Variants in HERC2 observed in about 807,000 individuals in gnomAD.
The protein encoded by HERC2 is HECT and RLD domain containing E3 ubiquitin protein ligase 2.
In HERC2, 102 loss-of-function variants were observed where a neutral mutation model predicts 537.7. The observed-to-expected ratio is 0.19, with a 90% CI of 0.16 to 0.22. The LOEUF (loss-of-function observed/expected upper bound fraction) is 0.22, where lower values mean the gene tolerates loss of function less well. Among genes scored for constraint, HERC2 ranks in the 10% least tolerant of loss-of-function variants. HERC2 has a pLI of 1.00. For missense variants in HERC2, 4,236 were observed against 6,198.2 expected, an observed-to-expected ratio of 0.68 and a Z score of 10.63; for synonymous variants, 2,224 against 2,466.2, an observed-to-expected ratio of 0.90 and a Z score of 2.91.
chr15:28,256,176 G>A lies in HERC2; in HGVS notation c.2659C>T (p.Gln887Ter), dbSNP rs1260191316. 1 of 1,601,648 alleles carries A rather than the reference G, an allele frequency of 6.2e-7. No homozygotes were observed. ...GACCAGCCACTCTGCAGCACGGCCTGGGCGGCCGACTGCACGGTGCTCAGC... is the reference window on the plus strand; with the variant it reads ...GACCAGCCACTCTGCAGCACGGCCTAGGCGGCCGACTGCACGGTGCTCAGC... ...GVLSTVQSAA[Q>*]AVLQSGWSVL... Residue 887 changes from glutamine to a stop codon, truncating the protein, a stop_gained, in exon 18 of 93, where the codon CAG becomes TAG. Transcript: ENST00000261609. LOFTEE classifies it high-confidence loss of function.
At chr15:28,285,578 T>C (rs1164422907) in intron 4 of HERC2, among the ~76,000 whole-genome samples, 1 of 151,066 alleles carries the variant, frequency 6.6e-6, no homozygotes. Context: ...ACTAAATAAA[T>C]GATATATTAG....
intron 35 of HERC2, among the ~76,000 whole-genome samples, chr15:28,225,921 C>T (rs894994654): frequency 1.3e-5 from 2 of 151,936 alleles, no homozygotes; most frequent in Admixed American, 6.6e-5. Flanking sequence ...TGAATAGACC[C>T]GTAACAAGTA....
chr15:28,245,600 CACACAGATATATATAT>C, intron 23 of HERC2, among the ~76,000 whole-genome samples: 2 of 140,598 alleles, frequency 1.4e-5, no homozygotes, highest in Admixed American at 7.0e-5. Flanking sequence ...CACACACACA[CACACAGATATATATAT>C]ACACACACAT....
At chr15:28,151,461 C>T (rs1211872818) in intron 70 of HERC2, among the ~76,000 whole-genome samples, 2 of 151,806 alleles carry the variant, frequency 1.3e-5, no homozygotes, top group Non-Finnish European at 2.9e-5. Context: ...AGAGCAAGAT[C>T]CTATCTCTAA....
intron 7 of HERC2, chr15:28,273,209 AGT>A: frequency 1.7e-6 from 1 of 603,244 alleles, no homozygotes; most frequent in Non-Finnish European, 2.9e-6. Context: ...TTTTATTTAA[AGT>A]GTTCACTCAG....
intron 35 of HERC2, among the ~76,000 whole-genome samples, chr15:28,223,122 G>C (rs1311939028): frequency 6.6e-6 from 1 of 152,140 alleles, no homozygotes; most frequent in Non-Finnish European, 1.5e-5. Context: ...TTGGTGCCCT[G>C]GGTGGCTACA....
intron 57 of HERC2, among the ~76,000 whole-genome samples, chr15:28,180,718 A>AC (rs1895742084): frequency 6.6e-6 from 1 of 152,220 alleles, no homozygotes. Flanking sequence ...GAATTCAACC[A>AC]CCCATGGATT....
intron 20 of HERC2, among the ~76,000 whole-genome samples, chr15:28,250,654 C>T (rs1192263293): frequency 6.6e-6 from 1 of 152,186 alleles, no homozygotes; most frequent in East Asian, 1.9e-4. Context: ...TTCTCCAACT[C>T]ACGTTTTCCA....
Position 28,144,263 on chromosome 15 carries a change from G to A in HERC2, c.11141-28C>T, listed in dbSNP as rs8042892. ...GTGAATGAACACTGTAAACATCCCC[G>A]GGTTTCACAAGCTAGGTACCACCCC... On this transcript the variant is annotated intron_variant, in intron 72 of 92. Transcript: ENST00000261609. The A allele has an allele frequency of 6.6e-4, 1,064 of 1,608,100 alleles. 8 individuals carry two copies. In the African/African-American group the frequency reaches 0.013, roughly 19 times the overall value.
In HERC2 at chr15:28,163,303, CAACAATT is replaced by C. The variant is rs1157383571; in HGVS notation, c.10555-25_10555-19del. 1 of 1,603,858 alleles carries C rather than the reference CAACAATT, an allele frequency of 6.2e-7. No individual in the cohort carries two copies. Among genetic ancestry groups the C allele is most frequent in the Non-Finnish European group, 8.5e-7 (1 of 1,175,906 alleles). On this transcript the variant is annotated intron_variant, in intron 68 of 92. Coordinates refer to ENST00000261609, the MANE Select transcript of HERC2 (RefSeq NM_004667.6). Reference sequence around the variant, plus strand: ...TCAACATCCTAAGTCAAATGACATCCAACAATTAACATGAGGAATGATATGCTAAGAG... The same window carrying C: ...TCAACATCCTAAGTCAAATGACATCCAACATGAGGAATGATATGCTAAGAG...
chr15:28,268,653 GT>G lies in HERC2; in HGVS notation c.1447-38del, dbSNP rs1490109249. 1 of 1,581,218 alleles carries G rather than the reference GT, an allele frequency of 6.3e-7. No individual in the cohort carries two copies. The highest frequency in any genetic ancestry group is 1.8e-5 in the Admixed American group (1 of 55,650). On this transcript the variant is annotated intron_variant, in intron 11 of 92. Transcript: ENST00000261609. The surrounding 1 kb of genome is among the most constrained non-coding windows in gnomAD (Gnocchi z 4.7). ...AAAATACGAAGAAAAGTAGTCATCA[GT>G]CCAAGGAAAATGAAACCAGCTCAGC...
Position 28,163,193 on chromosome 15 carries a change from C to G in HERC2, c.10647G>C (p.Val3549=). The change falls in exon 69 of 93, where the codon GTG becomes GTC. Residue 3549 remains valine, a synonymous_variant. Coordinates refer to ENST00000261609, the MANE Select transcript of HERC2 (RefSeq NM_004667.6). ...ACACTGACAGCTTGAGCAGGTCTAC[C>G]ACCACACGAGTGTCATCCGCAATCA... is the stretch of plus-strand genomic sequence containing the variant. ...SLLIADDTRV[V]VDLLKLSVCS... The G allele has an allele frequency of 6.2e-7, 1 of 1,613,836 alleles. No homozygotes were observed. The highest frequency in any genetic ancestry group is 8.5e-7 in the Non-Finnish European group (1 of 1,180,024).
At chr15:28,139,949 T>A (rs1482693434) in intron 78 of HERC2, among the ~76,000 whole-genome samples, 2 of 150,222 alleles carry the variant, frequency 1.3e-5, no homozygotes, top group Admixed American at 6.6e-5. Context: ...GCGCCTGTTG[T>A]CCCAGCTACT....
chr15:28,191,315 T>C, intron 53 of HERC2, 71 bp from the exon 54 acceptor site: 1 of 918,382 alleles, frequency 1.1e-6, no homozygotes. Context: ...TACAATAGTA[T>C]CGTTGAAGCT....
chr15:28,136,164 A>T (rs558116059), intron 78 of HERC2, among the ~76,000 whole-genome samples: 8 of 152,194 alleles, frequency 5.3e-5, no homozygotes, highest in African/African-American at 1.9e-4. Flanking sequence ...ATGTTTTAGG[A>T]CACAAAACAT....
intron 79 of HERC2, 46 bp downstream of exon 79, chr15:28,135,432 A>T: frequency 6.7e-7 from 1 of 1,499,642 alleles, no homozygotes; most frequent in Non-Finnish European, 9.3e-7. Context: ...AAAACAAACA[A>T]AAACAAAGAC....
At chr15:28,125,254 C>T (rs1314215141) in intron 83 of HERC2, 61 bp from the exon 84 acceptor site, 36 of 1,378,038 alleles carry the variant, frequency 2.6e-5, no homozygotes, top group Non-Finnish European at 1.0e-6. Context: ...GCATGGCTGC[C>T]AGTGTCTTCC....
At chr15:28,183,149 C>T (rs1179361178) in intron 56 of HERC2, among the ~76,000 whole-genome samples, 1 of 152,202 alleles carries the variant, frequency 6.6e-6, no homozygotes, top group Non-Finnish European at 1.5e-5. Flanking sequence ...TCCCAGAGGG[C>T]TTGCTCCTTC....
intron 8 of HERC2, 67 bp downstream of exon 8, chr15:28,272,827 A>T: frequency 9.7e-7 from 1 of 1,036,164 alleles, no homozygotes; most frequent in Non-Finnish European, 1.5e-6. Flanking sequence ...TGAAACACAC[A>T]CAATGCAACA....
Sources: allele counts gnomAD v4.1 joint callset (sites outside exome capture counted in the v4.1 genomes callset), GRCh38; gene constraint gnomAD v4.1.1; non-coding constraint Gnocchi (gnomAD v3.1); transcripts MANE v1.5; gene names NCBI Gene and HGNC (gene_info 2026-07-23, HGNC 2026-07-21).